OR51B5: variants seen among roughly 807,000 people sequenced by gnomAD.
OR51B5 encodes the protein olfactory receptor 51B5.
For missense variants in OR51B5, 456 were observed against 374.6 expected, an observed-to-expected ratio of 1.22 and a Z score of -1.79; for synonymous variants, 186 against 144.8, an observed-to-expected ratio of 1.28 and a Z score of -2.04.
chr11:5,350,353 A>T (rs1387488813), intron 1 of OR51B5, among the ~76,000 whole-genome samples: 1 of 152,242 alleles, frequency 6.6e-6, no homozygotes, highest in South Asian at 2.1e-4. Context: ...TCATGGACAG[A>T]AAGAGGTCTT....
intron 1 of OR51B5, among the ~76,000 whole-genome samples, chr11:5,464,348 T>A (rs1211979519): frequency 1.3e-5 from 2 of 152,174 alleles, no homozygotes; most frequent in Non-Finnish European, 2.9e-5. Flanking sequence ...GCAGGTTAGT[T>A]ACATATGTAT....
chr11:5,406,398 T>A (rs2133746306), intron 1 of OR51B5, among the ~76,000 whole-genome samples: 1 of 152,280 alleles, frequency 6.6e-6, no homozygotes, highest in South Asian at 2.1e-4. Context: ...TCAGGAAGAA[T>A]CCTAGAAAAT....
intron 1 of OR51B5, among the ~76,000 whole-genome samples, chr11:5,432,478 A>G (rs1241422256): frequency 2.6e-5 from 4 of 152,216 alleles, no homozygotes; most frequent in Non-Finnish European, 5.9e-5. Context: ...CATGAATGTA[A>G]TAATACTATT....
At chr11:5,441,581 A>T in intron 1 of OR51B5, 1 of 1,201,008 alleles carries the variant, frequency 8.3e-7, no homozygotes, top group Non-Finnish European at 1.2e-6. Flanking sequence ...ACTTTCTTTC[A>T]GATATCCTGT....
intron 1 of OR51B5, among the ~76,000 whole-genome samples, chr11:5,499,842 C>T (rs980637911): frequency 1.3e-5 from 2 of 152,202 alleles, no homozygotes; most frequent in South Asian, 4.1e-4. Flanking sequence ...CCACTGCCAA[C>T]TTAACAGCCA....
At chr11:5,494,550 T>G (rs16931743) in intron 1 of OR51B5, among the ~76,000 whole-genome samples, 16,750 of 152,152 alleles carry the variant, frequency 0.11, 956 homozygotes, top group Middle Eastern at 0.16. Context: ...AGTTATAAAA[T>G]AAAGTAACAA....
intron 1 of OR51B5, among the ~76,000 whole-genome samples, chr11:5,399,482 G>T (rs1220585748): frequency 6.6e-6 from 1 of 152,118 alleles, no homozygotes; most frequent in African/African-American, 2.4e-5. Context: ...GTGCACAAAG[G>T]TAAAGTACGT....
At chr11:5,358,716 C>T (rs1589952417) in intron 1 of OR51B5, among the ~76,000 whole-genome samples, 2 of 151,968 alleles carry the variant, frequency 1.3e-5, no homozygotes, top group South Asian at 2.1e-4. Flanking sequence ...ACCAATATCC[C>T]TGATGGACAT....
rs386419683 is a variant in OR51B5, at chr11:5,424,997, AG to A, written n.85-78088del. ...ACTCCGCCTCAAAAAAAAAAAAAAA[AG>A]AAGTGAAAGGCAGAAAGCAAATACC... On this transcript the variant is annotated intron_variant and non_coding_transcript_variant, in intron 1 of 4. Transcript: ENST00000415970. Among the ~76,000 whole-genome samples, 82 of 97,506 alleles carry A rather than the reference AG, an allele frequency of 8.4e-4. 2 individuals are homozygous for A. Among genetic ancestry groups the A allele is most frequent in the South Asian group, 2.7e-3 (7 of 2,548 alleles). 64.0% of individuals were successfully genotyped at this position (97,506 alleles called of 152,430 possible).
At chr11:5,400,717 G>C (rs1849955061) in intron 1 of OR51B5, among the ~76,000 whole-genome samples, 1 of 152,216 alleles carries the variant, frequency 6.6e-6, no homozygotes, top group Non-Finnish European at 1.5e-5. Context: ...TGTTCTCTGT[G>C]AGCTGTGGTT....
chr11:5,416,793 G>A (rs1850251429), intron 1 of OR51B5, among the ~76,000 whole-genome samples: 1 of 150,468 alleles, frequency 6.6e-6, no homozygotes, highest in Non-Finnish European at 1.5e-5. Context: ...AAAACAAATG[G>A]AAGAACATTC....
rs558159183 is a variant in OR51B5, at chr11:5,423,919, G to A, written n.85-77009C>T. Reference sequence around the variant, plus strand: ...CTCATTTTTTTTCCGGACCAGAGCAGACTTTTTTCATACTTTTATGTTCTT... The same window carrying A: ...CTCATTTTTTTTCCGGACCAGAGCAAACTTTTTTCATACTTTTATGTTCTT... On this transcript the variant is annotated intron_variant and non_coding_transcript_variant, in intron 1 of 4. Coordinates refer to the OR51B5 transcript ENST00000415970. Among the ~76,000 whole-genome samples, 8 of 152,210 alleles carry A rather than the reference G, an allele frequency of 5.3e-5. No individual in the cohort carries two copies. The South Asian group carries it at 1.7e-3, about 32-fold the overall frequency.
At chr11:5,348,709 C>A (rs532668731) in intron 1 of OR51B5, among the ~76,000 whole-genome samples, 12 of 152,182 alleles carry the variant, frequency 7.9e-5, no homozygotes, top group Non-Finnish European at 1.3e-4. Context: ...TTAGATAGTA[C>A]CCACCCAGAC....
chr11:5,360,197 G>A (rs891602451), intron 1 of OR51B5, among the ~76,000 whole-genome samples: 50 of 127,930 alleles, frequency 3.9e-4, no homozygotes, highest in African/African-American at 1.3e-3. Flanking sequence ...TACCATCAGA[G>A]TGAACAGGCA....
At chr11:5,434,343 A>T (rs1328809304) in intron 1 of OR51B5, among the ~76,000 whole-genome samples, 2 of 152,152 alleles carry the variant, frequency 1.3e-5, no homozygotes, top group Admixed American at 1.3e-4. Context: ...CTACAAGTTA[A>T]ACATTTATTT....
intron 1 of OR51B5, among the ~76,000 whole-genome samples, chr11:5,405,755 T>C (rs1008698837): frequency 1.1e-4 from 17 of 152,260 alleles, no homozygotes; most frequent in African/African-American, 3.6e-4. Flanking sequence ...TCTTAATTTC[T>C]TGCACAGTTA....
chr11:5,400,669 AG>A (rs746601931), intron 1 of OR51B5, among the ~76,000 whole-genome samples: 2 of 152,194 alleles, frequency 1.3e-5, no homozygotes, highest in Non-Finnish European at 2.9e-5. Flanking sequence ...ACTTCAGCAT[AG>A]GTGACGACTG....
At chr11:5,351,844 T>A in intron 1 of OR51B5, 1 of 1,613,978 alleles carries the variant, frequency 6.2e-7, no homozygotes, top group Non-Finnish European at 8.5e-7. Context: ...GTCAGGTGTC[T>A]TGCTTGCCAT....
chr11:5,413,026 G>A (rs1306865644), intron 1 of OR51B5, among the ~76,000 whole-genome samples: 1 of 84,488 alleles, frequency 1.2e-5, no homozygotes, highest in Non-Finnish European at 3.1e-5. Context: ...GCCTTACTGG[G>A]AGGCACCCCC....
Sources: allele counts gnomAD v4.1 joint callset (sites outside exome capture counted in the v4.1 genomes callset), GRCh38; gene constraint gnomAD v4.1.1; transcripts MANE v1.5; gene names NCBI Gene and HGNC (gene_info 2026-07-23, HGNC 2026-07-21).